The following GLI3 variants were observed in gnomAD, a reference collection of about 807,000 sequenced individuals.
GLI3 encodes transcription activator GLI3.
In GLI3, 20 loss-of-function variants were observed where a neutral mutation model predicts 100.8. That is an observed-to-expected ratio of 0.20 (90% CI 0.14 to 0.29). The LOEUF (loss-of-function observed/expected upper bound fraction) is 0.29. Ranked by LOEUF, GLI3 falls within the 10% of genes least tolerant of loss-of-function variation. The probability of loss-of-function intolerance (pLI) is 1.00; values close to 1 mark genes in which losing one functional copy is unlikely to be tolerated. For synonymous variants in GLI3, 938 were observed against 860.5 expected (o/e 1.09, Z -1.58); for missense variants, 2,040 against 2,128.5 (o/e 0.96, Z 0.82).
intron 10 of GLI3, among the ~76,000 whole-genome samples, chr7:42,003,326 AG>A (rs938013346): frequency 1.4e-4 from 21 of 152,314 alleles, no homozygotes; most frequent in African/African-American, 5.1e-4. Flanking sequence ...TGGAGGGAAA[AG>A]CAAAACTCAG....
upstream of GLI3, among the ~76,000 whole-genome samples, chr7:42,264,216 G>T (rs1267456343): frequency 6.6e-6 from 1 of 152,184 alleles, no homozygotes; most frequent in East Asian, 1.9e-4. Context: ...TTGGCAGAGG[G>T]CACTGGAGTT....
At chr7:42,139,780 C>G (rs139621151) in intron 3 of GLI3, among the ~76,000 whole-genome samples, 79 of 152,334 alleles carry the variant, frequency 5.2e-4, no homozygotes, top group African/African-American at 1.8e-3. Flanking sequence ...GGAGGGGAGC[C>G]CTGTGACCTG....
At chr7:42,053,502 T>G (rs1018675502) in intron 4 of GLI3, among the ~76,000 whole-genome samples, 9 of 152,212 alleles carry the variant, frequency 5.9e-5, no homozygotes, top group Admixed American at 3.3e-4. Context: ...TATATTTTCC[T>G]ACAAACTATC....
intron 3 of GLI3, among the ~76,000 whole-genome samples, chr7:42,108,879 G>A (rs147948651): frequency 3.9e-5 from 6 of 151,990 alleles, no homozygotes; most frequent in African/African-American, 7.2e-5. Flanking sequence ...TCCTTTGCAC[G>A]ACGTCCCCAT....
chr7:42,011,558 G>C (rs912203379), intron 10 of GLI3, among the ~76,000 whole-genome samples: 1 of 152,148 alleles, frequency 6.6e-6, no homozygotes, highest in Non-Finnish European at 1.5e-5. Context: ...AGCCATCCAA[G>C]AGAATATTAT....
At chr7:42,043,299 T>C (rs1784180690) in intron 6 of GLI3, among the ~76,000 whole-genome samples, 5 of 152,366 alleles carry the variant, frequency 3.3e-5, no homozygotes, top group Admixed American at 3.3e-4. Context: ...ATATAGTGCC[T>C]TAAGAACTTT....
intron 4 of GLI3, among the ~76,000 whole-genome samples, chr7:42,072,021 C>T (rs1284641415): frequency 6.6e-6 from 1 of 152,164 alleles, no homozygotes; most frequent in Non-Finnish European, 1.5e-5. Flanking sequence ...AACATGAGTG[C>T]TCATTTTCCC....
intron 10 of GLI3, among the ~76,000 whole-genome samples, chr7:42,010,441 A>G (rs1389586557): frequency 6.6e-6 from 1 of 152,202 alleles, no homozygotes; most frequent in Non-Finnish European, 1.5e-5. Context: ...CCACATCAAT[A>G]GACAGATGCC....
At chr7:42,042,500 G>A (rs936595910) in intron 6 of GLI3, among the ~76,000 whole-genome samples, 4 of 152,108 alleles carry the variant, frequency 2.6e-5, no homozygotes. Context: ...TATAATCCTG[G>A]ACAATAATTG....
chr7:42,074,426 C>A (rs2237416), intron 4 of GLI3, among the ~76,000 whole-genome samples: 90,172 of 152,132 alleles, frequency 0.59, 28,154 homozygotes, highest in African/African-American at 0.79. Context: ...GGCACTGCCC[C>A]TGAAACTAGA....
chr7:42,119,149 G>A (rs558705865), intron 3 of GLI3, among the ~76,000 whole-genome samples: 3 of 152,300 alleles, frequency 2.0e-5, no homozygotes, highest in East Asian at 1.9e-4. Flanking sequence ...TCTGACTCCC[G>A]CACTGTATTC....
chr7:42,082,392 A>C (rs958796196), intron 3 of GLI3, among the ~76,000 whole-genome samples: 2 of 152,074 alleles, frequency 1.3e-5, no homozygotes, highest in Admixed American at 6.5e-5. Flanking sequence ...CTGCCTATGG[A>C]TGACACGGCA....
At chr7:42,118,479 GC>G (rs1338305695) in intron 3 of GLI3, 1 of 395,240 alleles carries the variant, frequency 2.5e-6, no homozygotes, top group Non-Finnish European at 4.5e-6. Flanking sequence ...GAGACCCCTA[GC>G]CCCCAATTTT....
At chr7:42,191,875 G>T (rs564384879) in intron 2 of GLI3, among the ~76,000 whole-genome samples, 1 of 151,974 alleles carries the variant, frequency 6.6e-6, no homozygotes, top group African/African-American at 2.4e-5. Context: ...GTAGGTTCTG[G>T]CAGTGTGAAT....
At chr7:41,989,449 C>T (rs1187072557) in intron 10 of GLI3, among the ~76,000 whole-genome samples, 1 of 152,056 alleles carries the variant, frequency 6.6e-6, no homozygotes, top group Admixed American at 6.5e-5. Context: ...ATAGAAAGGC[C>T]AGAGGAGCTA....
intron 2 of GLI3, among the ~76,000 whole-genome samples, chr7:42,220,800 A>G (rs1026662341): frequency 3.9e-5 from 6 of 152,234 alleles, no homozygotes; most frequent in Non-Finnish European, 7.3e-5. Context: ...ATGTTTAAAA[A>G]CACCACTTCC....
At chr7:42,055,859 G>A (rs1311011416) in intron 4 of GLI3, among the ~76,000 whole-genome samples, 2 of 152,050 alleles carry the variant, frequency 1.3e-5, no homozygotes, top group Non-Finnish European at 2.9e-5. Flanking sequence ...TCTCTTCATT[G>A]GATATACATT....
rs879493483 is a variant in GLI3 at position 42,230,104 on chromosome 7, G to T, written c.-42-6809C>A. 9.6e-4 allele frequency among the ~76,000 whole-genome samples: 115 copies of T among 119,742 alleles called. 2 individuals are homozygous for T. Among genetic ancestry groups the T allele is most frequent in the African/African-American group, 3.3e-3 (95 of 28,528 alleles). 78.6% of individuals were successfully genotyped at this position (119,742 alleles called of 152,430 possible). On this transcript the variant is annotated intron_variant, in intron 1 of 14. Transcript: ENST00000395925. ...TTTTTCTGCAAGGGTTGGGCGGGGG[G>T]GGGGGGGGTGGAAAGCCCAACTTCA... is the stretch of plus-strand genomic sequence containing the variant.
chr7:42,099,584 C>T (rs1205938443), intron 3 of GLI3, among the ~76,000 whole-genome samples: 1 of 152,150 alleles, frequency 6.6e-6, no homozygotes, highest in African/African-American at 2.4e-5. Flanking sequence ...CACTCTGTTG[C>T]CCAGGCTGGA....
Sources: allele counts gnomAD v4.1 joint callset (sites outside exome capture counted in the v4.1 genomes callset), GRCh38; gene constraint gnomAD v4.1.1; transcripts MANE v1.5; gene names NCBI Gene and HGNC (gene_info 2026-07-23, HGNC 2026-07-21).